CHD8: variants seen among roughly 807,000 people sequenced by gnomAD.
The protein encoded by CHD8 is chromodomain helicase DNA binding protein 8, also known as ATP-dependent chromatin remodeler CHD8.
In CHD8, 31 loss-of-function variants were observed where a neutral mutation model predicts 279.2. That is an observed-to-expected ratio of 0.11 (90% CI 0.08 to 0.15). The LOEUF is 0.15. Among genes scored for constraint, CHD8 ranks in the 10% least tolerant of loss-of-function variants. CHD8 has a pLI of 1.00. For missense variants in CHD8, 2,146 were observed against 3,230.5 expected, an observed-to-expected ratio of 0.66 and a Z score of 8.14; for synonymous variants, 1,081 against 1,139.6, an observed-to-expected ratio of 0.95 and a Z score of 1.04.
Position 21,385,807 on chromosome 14 carries a change from A to T in CHD8, c.7552T>A (p.Ser2518Thr). Residue 2518 changes from serine (S) to threonine (T), a missense_variant, in exon 38 of 38, where the codon TCT becomes ACT. This residue lies in a region of CHD8 where 336 missense variants were observed against 392.9 expected (regional missense o/e 0.86). Coordinates refer to ENST00000646647, the MANE Select transcript of CHD8 (RefSeq NM_001170629.2). Reference protein sequence around the residue: ...HPGLRAPGYPSSPVTTASGTT... With the variant: ...HPGLRAPGYPTSPVTTASGTT... The stretch of plus-strand genomic sequence containing the variant: ...CCAGAGGCGGTAGTCACTGGTGAAG[A>T]GGGGTAGCCAGGGGCTCTCAAGCCT... The T allele has an allele frequency of 8.0e-7, 1 of 1,247,018 alleles. No homozygotes were observed. Among genetic ancestry groups the T allele is most frequent in the Non-Finnish European group, 1.0e-6 (1 of 967,844 alleles). The allele number at this position is 1,247,018 out of a possible 1,614,324, so 77.2% of individuals were successfully genotyped here.
At chr14:21,429,450 A>G in intron 2 of CHD8, 115 bp from the exon 3 acceptor site, 1 of 1,039,048 alleles carries the variant, frequency 9.6e-7, no homozygotes, top group Non-Finnish European at 1.5e-6. Flanking sequence ...CAGAAGACAC[A>G]GTACAACTCA....
At chr14:21,413,958 G>A (rs1464777814) in intron 9 of CHD8, 1 of 182,294 alleles carries the variant, frequency 5.5e-6, no homozygotes, top group East Asian at 1.6e-4. Context: ...GAAAACAAAT[G>A]TTCTCTCTTA....
chr14:21,417,949 CA>C (rs1888818455), intron 5 of CHD8, among the ~76,000 whole-genome samples: 1 of 147,166 alleles, frequency 6.8e-6, no homozygotes, highest in Non-Finnish European at 1.5e-5. Flanking sequence ...TTTATAATAC[CA>C]AATGTTGAAG....
chr14:21,388,235 T>C (rs979587975), intron 37 of CHD8, among the ~76,000 whole-genome samples: 5 of 152,232 alleles, frequency 3.3e-5, no homozygotes, highest in Admixed American at 6.5e-5. Context: ...TGTGGTTATA[T>C]AGACACATAA....
intron 5 of CHD8, among the ~76,000 whole-genome samples, chr14:21,420,989 C>T (rs1032109232): frequency 1.3e-5 from 2 of 152,038 alleles, no homozygotes; most frequent in Non-Finnish European, 2.9e-5. Context: ...CTCGAACTCC[C>T]GACCTCAGGT....
intron 1 of CHD8, among the ~76,000 whole-genome samples, chr14:21,452,169 T>C (rs966092096): frequency 6.6e-5 from 10 of 152,150 alleles, no homozygotes; most frequent in Non-Finnish European, 1.3e-4. Flanking sequence ...GCCTCCCGAG[T>C]AGCTGGGCCT....
At position 21,405,144 on chromosome 14, in the gene CHD8, A is replaced by G; in HGVS notation, c.3307+65T>C. 2.0e-6 allele frequency: 3 copies of G among 1,533,524 alleles called. No individual in the cohort carries two copies. Among genetic ancestry groups the G allele is most frequent in the Non-Finnish European group, 2.7e-6 (3 of 1,117,940 alleles). The allele number at this position is 1,533,524 out of a possible 1,614,324, so 95.0% of individuals were successfully genotyped here. A position where few individuals can be genotyped will look rare whatever the true frequency, so the allele number is the denominator to read the frequency against. On this transcript the variant is annotated intron_variant, in intron 16 of 37. Transcript: ENST00000646647. The surrounding 1 kb of genome is among the most constrained non-coding windows in gnomAD (Gnocchi z 4.2). ...GTCAATGCATCCATTGTCCCCAAGG[A>G]GAATCATCCGGAAAGTAAACACAGG...
chr14:21,406,604 G>T (rs1440530560), intron 14 of CHD8, among the ~76,000 whole-genome samples: 5 of 152,150 alleles, frequency 3.3e-5, no homozygotes, highest in Non-Finnish European at 7.4e-5. Context: ...AAGTTTTGGA[G>T]TATTTTGTTA....
chr14:21,430,687 A>C (rs1889528702), intron 2 of CHD8, 114 bp downstream of exon 2: 6 of 677,860 alleles, frequency 8.9e-6, no homozygotes, highest in Non-Finnish European at 1.5e-5. Flanking sequence ...ATAAAAACCA[A>C]AGATGGAATT....
chr14:21,445,783 C>T (rs1005387404), intron 1 of CHD8, among the ~76,000 whole-genome samples: 2 of 148,932 alleles, frequency 1.3e-5, no homozygotes, highest in Admixed American at 6.7e-5. Context: ...GGGTGGATCA[C>T]GAGGTCAGGA....
At chr14:21,426,268 T>C (rs1476155486) in intron 4 of CHD8, 26 bp from the exon 5 acceptor site, 1 of 1,263,186 alleles carries the variant, frequency 7.9e-7, no homozygotes, top group Non-Finnish European at 1.1e-6. Context: ...CAAATTCATT[T>C]TCAGTGAAAG....
chr14:21,432,913 G>C (rs545730777), intron 1 of CHD8, among the ~76,000 whole-genome samples: 1 of 151,808 alleles, frequency 6.6e-6, no homozygotes, highest in Non-Finnish European at 1.5e-5. Context: ...GTTCCTTTGC[G>C]CAAATTGTAA....
At chr14:21,432,928 T>C (rs572369295) in intron 1 of CHD8, among the ~76,000 whole-genome samples, 4 of 152,322 alleles carry the variant, frequency 2.6e-5, no homozygotes, top group South Asian at 2.1e-4. Context: ...TTGTAAAAAG[T>C]TGCCCACTTC....
Position 21,408,634 on chromosome 14 carries a change from T to C in CHD8, c.2486+70A>G, listed in dbSNP as rs1354652641. 3 of 1,567,394 alleles carry C rather than the reference T, an allele frequency of 1.9e-6. No individual in the cohort carries two copies. In the African/African-American group the frequency reaches 4.1e-5, roughly 22 times the overall value. On this transcript the variant is annotated intron_variant, in intron 12 of 37. Transcript: ENST00000646647. The surrounding 1 kb of genome is among the most constrained non-coding windows in gnomAD (Gnocchi z 4.3). ...AAATAGAGTATGTAGGAAGAAATTGTTTCAATAGAAAACAAATAAAAATAA... is the reference window on the plus strand; with the variant it reads ...AAATAGAGTATGTAGGAAGAAATTGCTTCAATAGAAAACAAATAAAAATAA...
rs1348436694 is a variant in CHD8 at position 21,385,890 on chromosome 14, G to T, written c.7469C>A (p.Thr2490Asn). ...APSSPHVDSS[T>N]MLHHHHHHPH... Reference sequence around the variant, plus strand: ...GTGGTGGTGGTGGTGATGAAGCATGGTGCTGGAGTCTACATGAGGGGATGA... The same window carrying T: ...GTGGTGGTGGTGGTGATGAAGCATGTTGCTGGAGTCTACATGAGGGGATGA... The change falls in exon 38 of 38, where the codon ACC becomes AAC. Residue 2490 changes from threonine to asparagine, a missense_variant. Thr to Asn is a moderately conservative substitution (Grantham distance 65). Around this residue, in one of 26 missense-constraint regions of CHD8, gnomAD observed 336 missense variants for 392.9 expected, o/e 0.86. Coordinates refer to ENST00000646647, the MANE Select transcript of CHD8 (RefSeq NM_001170629.2). The T allele has an allele frequency of 6.4e-7, 1 of 1,551,618 alleles. No homozygotes were observed. The highest frequency in any genetic ancestry group is 8.7e-7 in the Non-Finnish European group (1 of 1,147,184).
At chr14:21,413,957 T>C (rs1300084452) in intron 9 of CHD8, 1 of 181,696 alleles carries the variant, frequency 5.5e-6, no homozygotes, top group South Asian at 1.3e-4. Context: ...AGAAAACAAA[T>C]GTTCTCTCTT....
Position 21,454,482 on chromosome 14 carries a change from T to C in CHD8, c.-216+1550A>G, listed in dbSNP as rs1362305406. Among the ~76,000 whole-genome samples, 18 of 152,268 alleles carry C rather than the reference T, an allele frequency of 1.2e-4. No homozygotes were observed. In the East Asian group the frequency reaches 3.1e-3, roughly 26 times the overall value. On this transcript the variant is annotated intron_variant, in intron 1 of 37. Coordinates refer to ENST00000646647, the MANE Select transcript of CHD8 (RefSeq NM_001170629.2). The stretch of plus-strand genomic sequence containing the variant: ...ACAGGCACGCGTCACCATGCCCGGC[T>C]AATTTTTTTTTGTATTTTTTGTACT...
chr14:21,441,674 G>A (rs1016063318), intron 1 of CHD8, among the ~76,000 whole-genome samples: 1 of 151,954 alleles, frequency 6.6e-6, no homozygotes, highest in African/African-American at 2.4e-5. Context: ...ATATCACGAG[G>A]TCAGGAGATG....
Position 21,402,633 on chromosome 14 carries a change from G to T in CHD8, c.3715-130C>A. On this transcript the variant is annotated intron_variant, in intron 18 of 37. Coordinates refer to ENST00000646647, the MANE Select transcript of CHD8 (RefSeq NM_001170629.2). The surrounding 1 kb of genome is among the most constrained non-coding windows in gnomAD (Gnocchi z 4.5). ...CCATGAGATCAACTCAAAACCAAGAGTCAATTTCAAGATGAAATTATCACC... is the reference window on the plus strand; with the variant it reads ...CCATGAGATCAACTCAAAACCAAGATTCAATTTCAAGATGAAATTATCACC... The T allele has an allele frequency of 1.1e-6, 1 of 895,880 alleles. No homozygotes were observed. Among genetic ancestry groups the T allele is most frequent in the Non-Finnish European group, 1.6e-6 (1 of 609,650 alleles). 55.5% of individuals were successfully genotyped at this position (895,880 alleles called of 1,614,324 possible).
Sources: allele counts gnomAD v4.1 joint callset (sites outside exome capture counted in the v4.1 genomes callset), GRCh38; gene constraint gnomAD v4.1.1; regional missense constraint gnomAD v4.1.1; non-coding constraint Gnocchi (gnomAD v3.1); transcripts MANE v1.5; gene names NCBI Gene and HGNC (gene_info 2026-07-23, HGNC 2026-07-21).